The following KCNK9 variants were observed in gnomAD, a reference collection of about 807,000 sequenced individuals.
KCNK9 encodes potassium two pore domain channel subfamily K member 9.
Under a neutral mutation model 10.8 loss-of-function variants are expected in KCNK9, and 1 was observed. The ratio of observed to expected loss-of-function variants is 0.09; its 90% confidence interval spans 0.03 to 0.44. The LOEUF (loss-of-function observed/expected upper bound fraction) is 0.44, where lower values mean the gene tolerates loss of function less well. Among genes scored for constraint, KCNK9 ranks in the 20% least tolerant of loss-of-function variants. The pLI, the probability that KCNK9 is intolerant of heterozygous loss-of-function variation, is 0.97. For synonymous variants in KCNK9, 231 were observed against 222.7 expected, an observed-to-expected ratio of 1.04 and a Z score of -0.33; for missense variants, 303 against 515.0, an observed-to-expected ratio of 0.59 and a Z score of 3.98.
intron 1 of KCNK9, among the ~76,000 whole-genome samples, chr8:139,628,809 A>G (rs1563723495): frequency 1.3e-5 from 2 of 152,194 alleles, no homozygotes; most frequent in Non-Finnish European, 2.9e-5. Context: ...TTCCAACAAC[A>G]TTCACGAAGG....
chr8:139,697,099 A>G (rs938446813), intron 1 of KCNK9, among the ~76,000 whole-genome samples: 9 of 150,230 alleles, frequency 6.0e-5, no homozygotes, highest in African/African-American at 2.2e-4. Flanking sequence ...GAACAGATGG[A>G]TGGTGGATGG....
At chr8:139,657,566 C>T (rs1184704110) in intron 1 of KCNK9, among the ~76,000 whole-genome samples, 1 of 152,016 alleles carries the variant, frequency 6.6e-6, no homozygotes, top group Non-Finnish European at 1.5e-5. Context: ...CCCCCAGAGC[C>T]AAAACCCCCC....
chr8:139,692,871 G>A (rs1816962028), intron 1 of KCNK9, among the ~76,000 whole-genome samples: 1 of 152,140 alleles, frequency 6.6e-6, no homozygotes, highest in Non-Finnish European at 1.5e-5. Flanking sequence ...AAGCTGCCCT[G>A]ACACAAAATG....
intron 1 of KCNK9, among the ~76,000 whole-genome samples, chr8:139,698,111 A>T (rs1271375007): frequency 6.6e-6 from 1 of 152,222 alleles, no homozygotes; most frequent in Non-Finnish European, 1.5e-5. Flanking sequence ...GGTCCCAGGG[A>T]AAACACCACA....
At chr8:139,650,440 G>A (rs987573803) in intron 1 of KCNK9, among the ~76,000 whole-genome samples, 12 of 152,128 alleles carry the variant, frequency 7.9e-5, no homozygotes, top group Non-Finnish European at 1.3e-4. Flanking sequence ...GAGGGTGGGC[G>A]CCCACTCAGG....
intron 1 of KCNK9, among the ~76,000 whole-genome samples, chr8:139,629,163 C>T (rs919785933): frequency 6.6e-6 from 1 of 152,260 alleles, no homozygotes; most frequent in Non-Finnish European, 1.5e-5. Flanking sequence ...CGATACACAT[C>T]AGCTGTCATA....
chr8:139,691,208 C>G (rs1473039772), intron 1 of KCNK9, among the ~76,000 whole-genome samples: 1 of 152,176 alleles, frequency 6.6e-6, no homozygotes, highest in African/African-American at 2.4e-5. Context: ...TCCCCTCCCC[C>G]TCCTCATTTC....
At chr8:139,658,527 G>A (rs1031266572) in intron 1 of KCNK9, among the ~76,000 whole-genome samples, 14 of 152,074 alleles carry the variant, frequency 9.2e-5, no homozygotes, top group Non-Finnish European at 1.6e-4. Context: ...TTCCTTTTCC[G>A]CAGCTCCCCC....
chr8:139,663,190 C>T (rs569291910), intron 1 of KCNK9, among the ~76,000 whole-genome samples: 5 of 152,246 alleles, frequency 3.3e-5, no homozygotes, highest in Admixed American at 2.6e-4. Context: ...CATGTGCACA[C>T]GCCCCACATA....
chr8:139,657,793 C>T (rs193298546), intron 1 of KCNK9, among the ~76,000 whole-genome samples: 1 of 152,320 alleles, frequency 6.6e-6, no homozygotes, highest in African/African-American at 2.4e-5. Context: ...TGTCTCCTCA[C>T]AGAGGAGGGA....
chr8:139,650,637 C>A (rs558754855), intron 1 of KCNK9, among the ~76,000 whole-genome samples: 17 of 152,334 alleles, frequency 1.1e-4, no homozygotes, highest in African/African-American at 3.8e-4. Flanking sequence ...GAGCATCTGA[C>A]TCATGTGCAG....
chr8:139,622,110 G>A (rs1281885736), intron 1 of KCNK9, among the ~76,000 whole-genome samples: 5 of 152,186 alleles, frequency 3.3e-5, no homozygotes, highest in African/African-American at 1.2e-4. Flanking sequence ...GAAAGAACTT[G>A]ATCATTGACA....
intron 1 of KCNK9, among the ~76,000 whole-genome samples, chr8:139,683,734 C>T (rs544877407): frequency 1.3e-5 from 2 of 152,308 alleles, no homozygotes; most frequent in Admixed American, 6.5e-5. Flanking sequence ...CTGAACAGGC[C>T]ACCAGAAGGT....
At chr8:139,643,489 A>G (rs1356891364) in intron 1 of KCNK9, among the ~76,000 whole-genome samples, 1 of 152,200 alleles carries the variant, frequency 6.6e-6, no homozygotes, top group Admixed American at 6.5e-5. Context: ...GGGACACAGG[A>G]GCGTTCCGGA....
At chr8:139,660,263 C>G (rs749061466) in intron 1 of KCNK9, among the ~76,000 whole-genome samples, 93 of 152,044 alleles carry the variant, frequency 6.1e-4, no homozygotes, top group Admixed American at 9.8e-4. Flanking sequence ...TATAACAGCC[C>G]GCGATGAAGA....
chr8:139,653,439 T>C (rs1367361578), intron 1 of KCNK9, among the ~76,000 whole-genome samples: 2 of 152,022 alleles, frequency 1.3e-5, no homozygotes, highest in Non-Finnish European at 2.9e-5. Context: ...CAAGTGAGCC[T>C]CTGCCCAATT....
chr8:139,680,312 G>A (rs1816661129), intron 1 of KCNK9, among the ~76,000 whole-genome samples: 1 of 152,174 alleles, frequency 6.6e-6, no homozygotes, highest in Non-Finnish European at 1.5e-5. Context: ...CCAGGGCTGT[G>A]GAGGCTCACT....
intron 1 of KCNK9, among the ~76,000 whole-genome samples, chr8:139,700,256 C>G (rs962497530): frequency 6.6e-6 from 1 of 152,122 alleles, no homozygotes; most frequent in Non-Finnish European, 1.5e-5. Context: ...AGCTGCAGCC[C>G]GCGGGATCTC....
chr8:139,620,642 G>A (rs1034801914), intron 1 of KCNK9, among the ~76,000 whole-genome samples: 1 of 152,064 alleles, frequency 6.6e-6, no homozygotes, highest in South Asian at 2.1e-4. Context: ...CTACCCCCAT[G>A]GGCCAAACTC....
Sources: allele counts gnomAD v4.1 joint callset (sites outside exome capture counted in the v4.1 genomes callset), GRCh38; gene constraint gnomAD v4.1.1; transcripts MANE v1.5; gene names NCBI Gene and HGNC (gene_info 2026-07-23, HGNC 2026-07-21).